Variants in C2orf92 observed in about 807,000 individuals in gnomAD.
The protein encoded by C2orf92 is uncharacterized protein C2orf92.
upstream of C2orf92, chr2:97,664,168 A>G (rs1341200569): frequency 4.7e-6 from 1 of 211,940 alleles, no homozygotes; most frequent in Non-Finnish European, 9.4e-6. Context: ...GGTCGTCCGG[A>G]AAAAAGTGGT....
At chr2:97,684,129 A>G (rs948326417) in intron 3 of C2orf92, among the ~76,000 whole-genome samples, 4 of 143,328 alleles carry the variant, frequency 2.8e-5, no homozygotes, top group African/African-American at 1.0e-4. Flanking sequence ...TCTGCCTCCC[A>G]GGTTCACACC....
intron 2 of C2orf92, among the ~76,000 whole-genome samples, 191 bp downstream of exon 2, chr2:97,674,748 T>C (rs987683445): frequency 3.8e-4 from 58 of 152,192 alleles, no homozygotes; most frequent in Non-Finnish European, 8.8e-5. Context: ...TGGGAGTCTA[T>C]AGGCTTCAGT....
At chr2:97,700,013 C>T (rs1475950116) in intron 6 of C2orf92, among the ~76,000 whole-genome samples, 1 of 152,214 alleles carries the variant, frequency 6.6e-6, no homozygotes, top group Non-Finnish European at 1.5e-5. Context: ...GGCAGCTCTC[C>T]ACACGAAACC....
chr2:97,673,686 T>G (rs1185156630), intron 1 of C2orf92, among the ~76,000 whole-genome samples: 2 of 152,128 alleles, frequency 1.3e-5, no homozygotes, highest in Non-Finnish European at 2.9e-5. Flanking sequence ...CTGTGTCATG[T>G]CTGGTTGTAT....
intron 3 of C2orf92, among the ~76,000 whole-genome samples, chr2:97,679,649 C>T (rs1216253691): frequency 6.6e-6 from 1 of 151,628 alleles, no homozygotes; most frequent in Non-Finnish European, 1.5e-5. Context: ...TGAAACCAGC[C>T]TGGCCAACAT....
At chr2:97,667,498 T>A (rs1042431012), upstream of C2orf92, among the ~76,000 whole-genome samples, 5 of 148,706 alleles carry the variant, frequency 3.4e-5, no homozygotes, top group African/African-American at 1.2e-4. Context: ...AGTGGTGCGG[T>A]CTCGGCTCAC....
chr2:97,692,940 T>C (rs1225271006), intron 5 of C2orf92, among the ~76,000 whole-genome samples: 2 of 152,212 alleles, frequency 1.3e-5, no homozygotes, highest in African/African-American at 2.4e-5. Flanking sequence ...TCTACACACA[T>C]ACATGTAAAT....
chr2:97,681,674 C>G (rs559022896), intron 3 of C2orf92, among the ~76,000 whole-genome samples: 43 of 152,264 alleles, frequency 2.8e-4, no homozygotes, highest in Admixed American at 1.4e-3. Flanking sequence ...CTGGCTAACA[C>G]GGTGAAACCC....
At chr2:97,674,060 T>C (rs1443164475) in intron 1 of C2orf92, 1 of 160,776 alleles carries the variant, frequency 6.2e-6, no homozygotes, top group East Asian at 1.7e-4. Context: ...AGTGGTTTAT[T>C]TTCCTTCTGT....
chr2:97,691,312 C>A (rs1433467977), intron 5 of C2orf92, among the ~76,000 whole-genome samples: 1 of 152,228 alleles, frequency 6.6e-6, no homozygotes, highest in African/African-American at 2.4e-5. Context: ...CCTGGTGCCT[C>A]CTCCCAAACT....
intron 5 of C2orf92, among the ~76,000 whole-genome samples, chr2:97,695,934 A>G (rs1489708749): frequency 6.6e-6 from 1 of 152,070 alleles, no homozygotes; most frequent in Non-Finnish European, 1.5e-5. Flanking sequence ...CTAGCAAGAC[A>G]GGTTTAGCAG....
At chr2:97,666,582 C>T (rs967775232), upstream of C2orf92, among the ~76,000 whole-genome samples, 13 of 148,590 alleles carry the variant, frequency 8.7e-5, no homozygotes, top group East Asian at 9.9e-4. Flanking sequence ...GTAGCTCATG[C>T]GTGTAATCCC....
chr2:97,692,664 C>T (rs1676176750), intron 5 of C2orf92, among the ~76,000 whole-genome samples: 1 of 152,222 alleles, frequency 6.6e-6, no homozygotes, highest in East Asian at 1.9e-4. Context: ...CCCGCCTTGG[C>T]CTCCCAAAGT....
chr2:97,685,149 T>C (rs1011808199), intron 3 of C2orf92, among the ~76,000 whole-genome samples: 2 of 151,972 alleles, frequency 1.3e-5, no homozygotes, highest in African/African-American at 4.8e-5. Flanking sequence ...CAGGATGGTC[T>C]CGATCTCCTG....
chr2:97,675,461 A>G (rs754298995), intron 2 of C2orf92, among the ~76,000 whole-genome samples: 1 of 152,246 alleles, frequency 6.6e-6, no homozygotes, highest in Non-Finnish European at 1.5e-5. Context: ...TTAATGATTT[A>G]TCAGTGTCTT....
intron 1 of C2orf92, among the ~76,000 whole-genome samples, chr2:97,673,624 C>T (rs192243808): frequency 3.8e-4 from 58 of 152,244 alleles, no homozygotes; most frequent in Non-Finnish European, 5.9e-5. Context: ...CCCAGCAGGC[C>T]GAGCTCTTCC....
chr2:97,669,058 C>T (rs1675324041), upstream of C2orf92: 2 of 152,078 alleles, frequency 1.3e-5, no homozygotes, highest in Non-Finnish European at 2.9e-5. Context: ...GGGCTGGCTA[C>T]ATAATTTGTG....
At chr2:97,669,521 C>T (rs1310931071), upstream of C2orf92, 3 of 342,836 alleles carry the variant, frequency 8.8e-6, no homozygotes, top group Admixed American at 1.4e-4. Context: ...ATCCTGTTGC[C>T]CTCAGGACAT....
chr2:97,664,672 T>G (rs1675147645), intron 1 of C2orf92: 1 of 152,146 alleles, frequency 6.6e-6, no homozygotes, highest in Admixed American at 6.5e-5. Flanking sequence ...AGTTTTCAAT[T>G]AGCAATAATC....
Sources: gnomAD v4.1 joint callset for allele counts (sites outside exome capture counted in the v4.1 genomes callset) on GRCh38, gnomAD v4.1.1 for gene constraint, MANE v1.5 for transcripts, NCBI Gene and HGNC (gene_info 2026-07-23, HGNC 2026-07-21) for gene names.